The following ERAP1 variants were observed in gnomAD, a reference collection of about 807,000 sequenced individuals.
ERAP1 encodes the protein adipocyte-derived leucine aminopeptidase.
In ERAP1, 86 loss-of-function variants were observed where a neutral mutation model predicts 103.7. That is an observed-to-expected ratio of 0.83 (90% CI 0.70 to 0.99). The LOEUF is 0.99. Among genes scored for constraint, ERAP1 ranks in the 50% least tolerant of loss-of-function variants. The pLI, the probability that ERAP1 is intolerant of heterozygous loss-of-function variation, is 0.00. For missense variants in ERAP1, 1,009 were observed against 1,128.4 expected (o/e 0.89, Z 1.52); for synonymous variants, 398 against 402.4 (o/e 0.99, Z 0.13).
At chr5:96,856,365 T>TATATATATATATAGAGAGAGAG in the ERAP1 span, among the ~76,000 whole-genome samples, 32 of 20,366 alleles carry the variant, frequency 1.6e-3, 1 homozygote, top group South Asian at 4.6e-3. Flanking sequence ...TATATATATA[T>TATATATATATATAGAGAGAGAG]AGAGAGAGAG....
At chr5:96,895,037 A>G in the ERAP1 span, among the ~76,000 whole-genome samples, 1 of 152,104 alleles carries the variant, frequency 6.6e-6, no homozygotes, top group Admixed American at 6.6e-5. Flanking sequence ...CACAAAAAAA[A>G]GAAAAAAGAA....
the ERAP1 span, among the ~76,000 whole-genome samples, chr5:96,820,008 T>C: frequency 1.3e-5 from 2 of 152,204 alleles, no homozygotes; most frequent in African/African-American, 4.8e-5. Flanking sequence ...ACTTCACCCA[T>C]ATGTGGGCCA....
At chr5:96,909,154 C>T in the ERAP1 span, 1 of 1,596,848 alleles carries the variant, frequency 6.3e-7, no homozygotes, top group Non-Finnish European at 8.6e-7. Context: ...TAAGTAAATA[C>T]ACAGTGTCTG....
At chr5:96,833,780 G>A in the ERAP1 span, among the ~76,000 whole-genome samples, 1 of 142,336 alleles carries the variant, frequency 7.0e-6, no homozygotes. Flanking sequence ...CCTGGCGACA[G>A]AGCAAGGCTC....
At chr5:96,824,137 CATA>C in the ERAP1 span, among the ~76,000 whole-genome samples, 2 of 152,196 alleles carry the variant, frequency 1.3e-5, no homozygotes, top group Admixed American at 6.5e-5. Context: ...GAATTTTCCA[CATA>C]ATATTTTTGG....
At chr5:96,895,412 C>A in the ERAP1 span, 1 of 1,232,100 alleles carries the variant, frequency 8.1e-7, no homozygotes, top group South Asian at 1.3e-5. Context: ...ATCATCAATT[C>A]ACTATTAAAA....
the ERAP1 span, among the ~76,000 whole-genome samples, chr5:96,878,073 C>T: frequency 1.3e-5 from 2 of 152,084 alleles, no homozygotes; most frequent in South Asian, 4.1e-4. Context: ...AGAATTGATT[C>T]CCCCAAATTA....
At chr5:96,912,391 G>C in the ERAP1 span, among the ~76,000 whole-genome samples, 2 of 151,922 alleles carry the variant, frequency 1.3e-5, no homozygotes, top group Admixed American at 1.3e-4. Context: ...TCACCTCAGA[G>C]TAGGTTAAAA....
intron 10 of ERAP1, among the ~76,000 whole-genome samples, chr5:96,789,235 C>G (rs1217693088): frequency 1.3e-5 from 2 of 152,164 alleles, no homozygotes; most frequent in African/African-American, 4.8e-5. Context: ...GCCTGTAATC[C>G]TAGCACTTTC....
chr5:96,871,797 G>A, the ERAP1 span, among the ~76,000 whole-genome samples: 1 of 152,068 alleles, frequency 6.6e-6, no homozygotes, highest in African/African-American at 2.4e-5. Flanking sequence ...TAAGTGCTTT[G>A]TGGAAGGCAT....
the ERAP1 span, among the ~76,000 whole-genome samples, chr5:96,930,615 T>C: frequency 4.6e-4 from 70 of 152,270 alleles, no homozygotes; most frequent in African/African-American, 1.7e-3. Flanking sequence ...TTTGTGAACC[T>C]CATCATTCCT....
chr5:96,931,351 C>A, the ERAP1 span, among the ~76,000 whole-genome samples: 1 of 152,008 alleles, frequency 6.6e-6, no homozygotes, highest in African/African-American at 2.4e-5. Context: ...GAAATGAGGT[C>A]TTGCTGTGGG....
the ERAP1 span, among the ~76,000 whole-genome samples, chr5:96,925,911 C>CTTTTTTTT: frequency 5.7e-5 from 6 of 105,672 alleles, 1 homozygote; most frequent in Non-Finnish European, 5.6e-5. Flanking sequence ...GTATAATTTG[C>CTTTTTTTT]TTTTTTTTTT....
chr5:96,896,397 T>G, the ERAP1 span: 2 of 1,611,878 alleles, frequency 1.2e-6, no homozygotes, highest in South Asian at 2.2e-5. Context: ...GAATGTGTGT[T>G]TTGAAGTAAT....
upstream of ERAP1, chr5:96,808,183 GATCCGTGTGTGT>G (rs1778880888): frequency 1.1e-6 from 1 of 920,586 alleles, no homozygotes; most frequent in Non-Finnish European, 1.2e-6. Flanking sequence ...TCTGAACGCG[GATCCGTGTGTGT>G]GTGTGTGTGT....
chr5:96,766,371 C>A (rs2150733383), intron 19 of ERAP1, among the ~76,000 whole-genome samples: 1 of 152,254 alleles, frequency 6.6e-6, no homozygotes, highest in East Asian at 1.9e-4. Flanking sequence ...GGGTTGAATA[C>A]TGTTCAGTCA....
rs911633250 is a variant in ERAP1 at position 96,775,983 on chromosome 5, G to A, written c.*413C>T. Reference sequence around the variant, plus strand: ...GAGAGCTTTAACCCAGTCATCGTCCGGCTTAGTCTCAGATCCAGGTGTTCA... The same window carrying A: ...GAGAGCTTTAACCCAGTCATCGTCCAGCTTAGTCTCAGATCCAGGTGTTCA... On this transcript the variant is annotated 3_prime_UTR_variant, in exon 19 of 19. Transcript: ENST00000443439. 7.5e-6 allele frequency: 8 copies of A among 1,073,734 alleles called. No individual in the cohort carries two copies. The East Asian group carries it at 3.0e-4, about 41-fold the overall frequency. The allele number at this position is 1,073,734 out of a possible 1,614,324, so 66.5% of individuals were successfully genotyped here.
the ERAP1 span, among the ~76,000 whole-genome samples, chr5:96,819,419 A>G: frequency 6.6e-6 from 1 of 152,150 alleles, no homozygotes. Context: ...TTTCACTAAC[A>G]ATGGGGAAGA....
chr5:96,902,268 T>A, the ERAP1 span: 4 of 1,582,224 alleles, frequency 2.5e-6, no homozygotes, highest in Admixed American at 1.7e-5. Context: ...TTACTCTCTG[T>A]CATAGGTACC....
Sources: gnomAD v4.1 joint callset for allele counts (sites outside exome capture counted in the v4.1 genomes callset) on GRCh38, gnomAD v4.1.1 for gene constraint, MANE v1.5 for transcripts, NCBI Gene and HGNC (gene_info 2026-07-23, HGNC 2026-07-21) for gene names.